The following COL4A4 variants were observed in gnomAD, a reference collection of about 807,000 sequenced individuals.
The protein encoded by COL4A4 is collagen type IV alpha 4 chain.
A neutral mutation model predicts 192.9 loss-of-function variants in COL4A4; 105 were observed. The observed-to-expected ratio is 0.54, with a 90% CI of 0.46 to 0.64. The LOEUF (loss-of-function observed/expected upper bound fraction) is 0.64. COL4A4 is among the 30% of genes least tolerant of loss of function. COL4A4 has a pLI of 0.00. For missense variants in COL4A4, 1,967 were observed against 2,169.3 expected, an observed-to-expected ratio of 0.91 and a Z score of 1.85; for synonymous variants, 762 against 769.9, an observed-to-expected ratio of 0.99 and a Z score of 0.17.
chr2:227,141,313 T>C (rs2063192981), intron 3 of COL4A4, among the ~76,000 whole-genome samples: 2 of 152,232 alleles, frequency 1.3e-5, no homozygotes, highest in Admixed American at 6.5e-5. Context: ...AACTTAAGGC[T>C]GTAAACTCAA....
At position 227,136,698 on chromosome 2, in the gene COL4A4, C is replaced by T. The variant is rs6715960; in HGVS notation, c.192+3463G>A. On this transcript the variant is annotated intron_variant, in intron 4 of 47. Coordinates refer to ENST00000396625, the MANE Select transcript of COL4A4 (RefSeq NM_000092.5). Reference sequence around the variant, plus strand: ...GCACAGAACCAGCCTTGCCTGTCAACGATTGCTTTAGACATAGCAGTTTTG... The same window carrying T: ...GCACAGAACCAGCCTTGCCTGTCAATGATTGCTTTAGACATAGCAGTTTTG... Among the ~76,000 whole-genome samples, 1,061 of 152,288 alleles carry T rather than the reference C, an allele frequency of 7.0e-3. 16 individuals carry two copies. The highest frequency in any genetic ancestry group is 0.024 in the African/African-American group (1,006 of 41,556).
At chr2:227,136,443 G>A (rs1034740318) in intron 4 of COL4A4, among the ~76,000 whole-genome samples, 3 of 152,180 alleles carry the variant, frequency 2.0e-5, no homozygotes, top group Non-Finnish European at 4.4e-5. Flanking sequence ...GTGAATGAGT[G>A]GCCCAACTGC....
At chr2:227,120,369 T>G (rs537364593) in intron 5 of COL4A4, among the ~76,000 whole-genome samples, 1 of 152,320 alleles carries the variant, frequency 6.6e-6, no homozygotes, top group East Asian at 1.9e-4. Context: ...TTTTCAGGAA[T>G]AAGTTCAATC....
chr2:227,050,268 G>A, intron 33 of COL4A4, 137 bp from the exon 34 acceptor site: 1 of 750,054 alleles, frequency 1.3e-6, no homozygotes, highest in Non-Finnish European at 2.4e-6. Flanking sequence ...TTAAATGCAT[G>A]CAAGCCTCCC....
intron 19 of COL4A4, among the ~76,000 whole-genome samples, chr2:227,097,830 A>G (rs2060286606): frequency 6.6e-6 from 1 of 152,224 alleles, no homozygotes; most frequent in Admixed American, 6.5e-5. Flanking sequence ...TAGCAGTTGA[A>G]TATCTCAGAA....
chr2:227,096,485 A>G (rs1221044795), intron 19 of COL4A4, among the ~76,000 whole-genome samples: 2 of 152,242 alleles, frequency 1.3e-5, no homozygotes, highest in Non-Finnish European at 2.9e-5. Context: ...GCCGGGCTTC[A>G]GTAGACATAC....
chr2:227,145,202 C>CT (rs2063468937), intron 2 of COL4A4, among the ~76,000 whole-genome samples: 1 of 152,166 alleles, frequency 6.6e-6, no homozygotes, highest in South Asian at 2.1e-4. Flanking sequence ...AATCCCAGAA[C>CT]TTTAGGAGGC....
chr2:227,014,711 G>C (rs950876609), intron 44 of COL4A4, among the ~76,000 whole-genome samples: 17 of 151,596 alleles, frequency 1.1e-4, no homozygotes, highest in Non-Finnish European at 2.9e-5. Context: ...TATTTCTTTT[G>C]TGTTTTGTTT....
chr2:227,089,486 C>A (rs571685947), intron 21 of COL4A4, among the ~76,000 whole-genome samples: 95 of 151,288 alleles, frequency 6.3e-4, no homozygotes, highest in African/African-American at 2.2e-3. Flanking sequence ...CCACAAAAAT[C>A]AAACATCAAT....
In COL4A4 at chr2:227,119,939, C is replaced by A; in HGVS notation, c.328G>T (p.Gly110Cys). 1 of 1,572,574 alleles carries A rather than the reference C, an allele frequency of 6.4e-7. No homozygotes were observed. The highest frequency in any genetic ancestry group is 2.3e-5 in the East Asian group (1 of 43,062). ...PGAAGDKGDK[G>C]PTGVPGFPGL... ...GGAAATCCAGGAACACCAGTTGGAC[C>A]CTAAAATCCCAGAAAATAAAACAAA... Residue 110 changes from glycine (G) to cysteine (C), a missense_variant and splice_region_variant, in exon 6 of 48, where the codon GGT becomes TGT. Physicochemically the swap from Gly to Cys is radical, Grantham distance 159 (BLOSUM62 -3). Transcript: ENST00000396625.
At chr2:226,989,418 A>G in the COL4A4 span, among the ~76,000 whole-genome samples, 1 of 152,222 alleles carries the variant, frequency 6.6e-6, no homozygotes, top group African/African-American at 2.4e-5. Flanking sequence ...GTGGTGGCTT[A>G]TAAGTGCAGG....
intron 4 of COL4A4, 32 bp from the exon 5 acceptor site, chr2:227,121,180 G>T: frequency 6.2e-7 from 1 of 1,610,830 alleles, no homozygotes. Context: ...AAATGGGGGT[G>T]CAATTCTTAA....
At chr2:227,011,771 C>A (rs1259255242) in intron 45 of COL4A4, among the ~76,000 whole-genome samples, 1 of 152,166 alleles carries the variant, frequency 6.6e-6, no homozygotes, top group Admixed American at 6.5e-5. Context: ...GGAAACCAGG[C>A]GATTTGGCCA....
intron 22 of COL4A4, among the ~76,000 whole-genome samples, chr2:227,086,110 T>C (rs1199459562): frequency 6.6e-6 from 1 of 152,224 alleles, no homozygotes; most frequent in African/African-American, 2.4e-5. Flanking sequence ...TGCCTTGCAC[T>C]AGAGCATCCT....
intron 19 of COL4A4, among the ~76,000 whole-genome samples, chr2:227,096,499 CAT>C (rs1378638957): frequency 6.6e-6 from 1 of 152,154 alleles, no homozygotes; most frequent in Non-Finnish European, 1.5e-5. Context: ...GACATACAAA[CAT>C]ATTCACTCCT....
intron 21 of COL4A4, 136 bp from the exon 22 acceptor site, chr2:227,088,952 C>T (rs1021953489): frequency 6.7e-6 from 7 of 1,040,596 alleles, no homozygotes; most frequent in African/African-American, 3.1e-5. Flanking sequence ...ATTGAGAGCA[C>T]GTGCTGTGGG....
At chr2:227,095,900 T>A (rs1177596575) in intron 19 of COL4A4, among the ~76,000 whole-genome samples, 1 of 151,896 alleles carries the variant, frequency 6.6e-6, no homozygotes, top group East Asian at 1.9e-4. Flanking sequence ...CGAAGCTCCA[T>A]CTCAAAAAGA....
intron 40 of COL4A4, among the ~76,000 whole-genome samples, chr2:227,031,346 C>A (rs1289194698): frequency 6.6e-6 from 1 of 152,136 alleles, no homozygotes; most frequent in Non-Finnish European, 1.5e-5. Context: ...AATGCAATTG[C>A]CTGCATTTAG....
intron 1 of COL4A4, among the ~76,000 whole-genome samples, chr2:227,151,289 AATT>A (rs1483820400): frequency 1.3e-5 from 2 of 152,180 alleles, no homozygotes; most frequent in Non-Finnish European, 2.9e-5. Context: ...CTTTCATTAT[AATT>A]ATTAGTAGTA....
Sources: allele counts gnomAD v4.1 joint callset (sites outside exome capture counted in the v4.1 genomes callset), GRCh38; gene constraint gnomAD v4.1.1; transcripts MANE v1.5; gene names NCBI Gene and HGNC (gene_info 2026-07-23, HGNC 2026-07-21).